The following C10orf90 variants were observed in gnomAD, a reference collection of about 807,000 sequenced individuals.
C10orf90 encodes chromosome 10 open reading frame 90, also known as (E2-independent) E3 ubiquitin-conjugating enzyme FATS.
C10orf90 carries 56 observed loss-of-function variants against 62.5 expected under a neutral mutation model. The ratio of observed to expected loss-of-function variants is 0.90; its 90% confidence interval spans 0.72 to 1.12. C10orf90 has a LOEUF of 1.12. Among genes scored for constraint, C10orf90 ranks in the 50% most tolerant of loss-of-function variants. The pLI is 0.00. For missense variants in C10orf90, 970 were observed against 880.4 expected (o/e 1.10, Z -1.29); for synonymous variants, 386 against 340.4 (o/e 1.13, Z -1.47).
At chr10:126,601,178 C>G (rs190037123) in intron 2 of C10orf90, among the ~76,000 whole-genome samples, 4 of 152,188 alleles carry the variant, frequency 2.6e-5, no homozygotes, top group African/African-American at 9.6e-5. Flanking sequence ...AGAAAGCCCC[C>G]GGGTCACCAG....
rs779547364 is a variant in C10orf90, at chr10:126,456,429, G to A, written c.2188+2611C>T. 6.6e-6 allele frequency among the ~76,000 whole-genome samples: 1 copy of A among 152,090 alleles called. No homozygotes were observed. Among genetic ancestry groups the A allele is most frequent in the Non-Finnish European group, 1.5e-5 (1 of 68,008 alleles). ...CTGTCTTGGAATGTGGGGAGTAAAAGGTACTCAGTTAACATTCTGAACTGA... is the reference window on the plus strand; with the variant it reads ...CTGTCTTGGAATGTGGGGAGTAAAAAGTACTCAGTTAACATTCTGAACTGA... On this transcript the variant is annotated intron_variant, in intron 7 of 9. Coordinates refer to ENST00000488181, the MANE Select transcript of C10orf90 (RefSeq NM_001350921.2). The surrounding 1 kb of genome is among the most constrained non-coding windows in gnomAD (Gnocchi z 4.9).
intron 2 of C10orf90, among the ~76,000 whole-genome samples, chr10:126,603,642 G>T (rs554821954): frequency 6.6e-6 from 1 of 152,230 alleles, no homozygotes; most frequent in South Asian, 2.1e-4. Flanking sequence ...CTGTAAAAGG[G>T]CCCTAAGAGT....
At position 126,439,584 on chromosome 10, in the gene C10orf90, T is replaced by C. The variant is rs188479781; in HGVS notation, c.2189-9734A>G. 8.6e-4 allele frequency among the ~76,000 whole-genome samples: 130 copies of C among 151,924 alleles called. 1 individual carries two copies. The highest frequency in any genetic ancestry group is 4.8e-3 in the East Asian group (25 of 5,164). On this transcript the variant is annotated intron_variant, in intron 7 of 9. Coordinates refer to ENST00000488181, the MANE Select transcript of C10orf90 (RefSeq NM_001350921.2). Reference sequence around the variant, plus strand: ...AAAATGACATCAGGAAAACAATATATGAATAAAATGAGAAGTTTAACAGAG... The same window carrying C: ...AAAATGACATCAGGAAAACAATATACGAATAAAATGAGAAGTTTAACAGAG...
Position 126,459,225 on chromosome 10 carries a change from A to G in C10orf90, c.2011-8T>C, listed in dbSNP as rs1356921015. On this transcript the variant is annotated splice_region_variant and splice_polypyrimidine_tract_variant and intron_variant, in intron 6 of 9. Transcript: ENST00000488181. The stretch of plus-strand genomic sequence containing the variant: ...ACGAACTTCCAGTGCTTCCTATGCA[A>G]AGCAAAGAAAATACGTCATTTTTAA... 6.2e-7 allele frequency: 1 copy of G among 1,613,314 alleles called. No homozygotes were observed. Among genetic ancestry groups the G allele is most frequent in the African/African-American group, 1.3e-5 (1 of 75,062 alleles).
At chr10:126,493,414 G>A (rs1445094872) in intron 4 of C10orf90, among the ~76,000 whole-genome samples, 12 of 149,810 alleles carry the variant, frequency 8.0e-5, no homozygotes, top group African/African-American at 3.0e-4. Flanking sequence ...AGGCTAGAGT[G>A]CAGTGGCATG....
At chr10:126,508,199 G>T (rs1222956815) in intron 3 of C10orf90, among the ~76,000 whole-genome samples, 2 of 152,306 alleles carry the variant, frequency 1.3e-5, no homozygotes, top group East Asian at 3.9e-4. Context: ...GAGTGTGTGT[G>T]TGTGTGTTGG....
At chr10:126,605,916 T>TAC (rs1358920931) in intron 2 of C10orf90, among the ~76,000 whole-genome samples, 5 of 138,356 alleles carry the variant, frequency 3.6e-5, no homozygotes, top group Non-Finnish European at 7.9e-5. Flanking sequence ...TACATACATT[T>TAC]GATTGCAGCA....
rs190898864 is a variant in C10orf90 at position 126,490,036 on chromosome 10, A to T, written c.1534+13921T>A. Among the ~76,000 whole-genome samples, 137 of 93,210 alleles carry T rather than the reference A, an allele frequency of 1.5e-3. No homozygotes were observed. In the East Asian group the frequency reaches 0.024, roughly 16 times the overall value. 61.1% of individuals were successfully genotyped at this position (93,210 alleles called of 152,430 possible). ...TATTATATATAATATATAATATATA[A>T]TATATATTATATATTATGTTATATA... On this transcript the variant is annotated intron_variant, in intron 4 of 9. Transcript: ENST00000488181.
At position 126,646,657 on chromosome 10, in the gene C10orf90, A is replaced by G. The variant is rs993776921; in HGVS notation, c.241-20T>C. The stretch of plus-strand genomic sequence containing the variant: ...GTGGATCTAGAAAACAAACAGAAAT[A>G]TTTCCCAATTTCATATTTTGATTTG... On this transcript the variant is annotated intron_variant, in intron 1 of 9. Coordinates refer to ENST00000488181, the MANE Select transcript of C10orf90 (RefSeq NM_001350921.2). 9.5e-6 allele frequency: 4 copies of G among 421,320 alleles called. No individual in the cohort carries two copies. The highest frequency in any genetic ancestry group is 1.9e-5 in the Non-Finnish European group (4 of 215,128). The allele number at this position is 421,320 out of a possible 1,614,324, so 26.1% of individuals were successfully genotyped here. A position where few individuals can be genotyped will look rare whatever the true frequency, so the allele number is the denominator to read the frequency against.
In C10orf90 at chr10:126,504,585, C is replaced by T. The variant is rs547584401; in HGVS notation, c.906G>A (p.Val302=). Residue 302 remains valine, a synonymous_variant, in exon 4 of 10, where the codon GTG becomes GTA. Coordinates refer to ENST00000488181, the MANE Select transcript of C10orf90 (RefSeq NM_001350921.2). The surrounding 1 kb of genome is among the most constrained non-coding windows in gnomAD (Gnocchi z 4.1). ...CTEFSRNSSV[V]RLKVPEAHTG... ...TGTGGGCCTCGGGAACCTTCAGCCG[C>T]ACCACGGAGCTGTTTCTGGAGAACT... 1 of 1,614,182 alleles carries T rather than the reference C, an allele frequency of 6.2e-7. No individual in the cohort carries two copies. The highest frequency in any genetic ancestry group is 2.2e-5 in the East Asian group (1 of 44,880).
chr10:126,618,279 C>T (rs556938521), intron 2 of C10orf90, among the ~76,000 whole-genome samples: 73 of 152,258 alleles, frequency 4.8e-4, no homozygotes, highest in Non-Finnish European at 8.8e-4. Context: ...TAAAATGTGA[C>T]AAAATGTGCA....
chr10:126,653,103 A>G (rs1846323233), intron 1 of C10orf90, among the ~76,000 whole-genome samples: 1 of 152,222 alleles, frequency 6.6e-6, no homozygotes, highest in Non-Finnish European at 1.5e-5. Context: ...ACAAGTTGCA[A>G]TCTTTTTCTG....
intron 4 of C10orf90, among the ~76,000 whole-genome samples, chr10:126,473,440 A>G (rs537454553): frequency 8.7e-4 from 133 of 152,224 alleles, no homozygotes; most frequent in Non-Finnish European, 1.5e-3. Context: ...CCAGTGAGAT[A>G]TAAGTAGAAA....
chr10:126,427,291 G>T (rs189630078), intron 8 of C10orf90, among the ~76,000 whole-genome samples: 1 of 152,234 alleles, frequency 6.6e-6, no homozygotes, highest in African/African-American at 2.4e-5. Context: ...TAGAAAGTAG[G>T]CATGTCTCAA....
At chr10:126,540,520 G>A (rs147203913) in intron 2 of C10orf90, among the ~76,000 whole-genome samples, 45 of 152,228 alleles carry the variant, frequency 3.0e-4, no homozygotes, top group African/African-American at 8.7e-4. Flanking sequence ...TTGGTCAAGC[G>A]TGGTGCCACG....
intron 2 of C10orf90, among the ~76,000 whole-genome samples, chr10:126,623,438 T>TAGTA (rs1216527008): frequency 1.3e-5 from 2 of 152,156 alleles, no homozygotes; most frequent in South Asian, 2.1e-4. Flanking sequence ...CTGTATAAGG[T>TAGTA]AGTACACCCC....
At chr10:126,632,232 A>C (rs1176290464) in intron 2 of C10orf90, among the ~76,000 whole-genome samples, 5 of 151,896 alleles carry the variant, frequency 3.3e-5, no homozygotes, top group Non-Finnish European at 7.4e-5. Flanking sequence ...ATTGGGTTCT[A>C]ATGCTGTGTT....
chr10:126,491,391 A>G (rs1444185125), intron 4 of C10orf90, among the ~76,000 whole-genome samples: 1 of 152,246 alleles, frequency 6.6e-6, no homozygotes, highest in African/African-American at 2.4e-5. Context: ...GGTTAGTTAC[A>G]TAGGTATATA....
chr10:126,433,023 A>C, intron 7 of C10orf90, among the ~76,000 whole-genome samples: 1 of 152,100 alleles, frequency 6.6e-6, no homozygotes, highest in East Asian at 1.9e-4. Context: ...GAGGAGATGC[A>C]AAAATGGCAG....
Sources: allele counts gnomAD v4.1 joint callset (sites outside exome capture counted in the v4.1 genomes callset), GRCh38; gene constraint gnomAD v4.1.1; non-coding constraint Gnocchi (gnomAD v3.1); transcripts MANE v1.5; gene names NCBI Gene and HGNC (gene_info 2026-07-23, HGNC 2026-07-21).